Variants in TMEM107 observed in about 807,000 individuals in gnomAD.
TMEM107 encodes transmembrane protein 107.
TMEM107 carries 18 observed loss-of-function variants against 16.8 expected under a neutral mutation model. The observed-to-expected ratio is 1.07, with a 90% confidence interval of 0.74 to 1.59. TMEM107 has a LOEUF of 1.59. Ranked by LOEUF, TMEM107 falls within the 40% of genes most tolerant of loss-of-function variation. TMEM107 has a pLI of 0.00. For synonymous variants in TMEM107, 68 were observed against 71.6 expected, an observed-to-expected ratio of 0.95 and a Z score of 0.25; for missense variants, 152 against 175.4, an observed-to-expected ratio of 0.87 and a Z score of 0.75.
rs746291980 is a variant in TMEM107 at position 8,176,266 on chromosome 17, A to G, written c.21T>C (p.Leu7=). 5 of 1,614,050 alleles carry G rather than the reference A, an allele frequency of 3.1e-6. 1 individual carries two copies. In the Admixed American group the frequency reaches 8.3e-5, roughly 27 times the overall value. The change falls in exon 1 of 5, where the codon CTT becomes CTC. Residue 7 remains leucine (L), a synonymous_variant. Transcript: ENST00000437139. MGRVSG[L]VPSRFLTLLA... is the part of the protein sequence containing the mutation. The stretch of plus-strand genomic sequence containing the variant: ...GGAGCGTCAGGAAGCGAGAGGGCAC[A>G]AGCCCTGAGACCCGGCCCATGGCCC...
Position 8,173,205 on chromosome 17 carries a change from A to C in TMEM107, c.*998T>G, listed in dbSNP as rs1305539965. 1 of 411,818 alleles carries C rather than the reference A, an allele frequency of 2.4e-6. No individual in the cohort carries two copies. The highest frequency in any genetic ancestry group is 4.5e-6 in the Non-Finnish European group (1 of 224,212). The allele number at this position is 411,818 out of a possible 1,614,324, so 25.5% of individuals were successfully genotyped here. A position where few individuals can be genotyped will look rare whatever the true frequency, so the allele number is the denominator to read the frequency against. ...AATGTTTCCTGAGAAGTGAGGATTAAAGTTATCAAACGACAAAAAACAAAG... is the reference window on the plus strand; with the variant it reads ...AATGTTTCCTGAGAAGTGAGGATTACAGTTATCAAACGACAAAAAACAAAG... On this transcript the variant is annotated 3_prime_UTR_variant, in exon 5 of 5. Coordinates refer to ENST00000437139, the MANE Select transcript of TMEM107 (RefSeq NM_183065.4).
Position 8,176,021 on chromosome 17 carries a change from G to A in TMEM107, c.93C>T (p.Ser31=), listed in dbSNP as rs1984104264. Reference sequence around the variant, plus strand: ...TGAGAGGCAGGCAGGCCTGTATGTTGCTGTCCTGGGAGCAGGGCACAGGAA... The same window carrying A: ...TGAGAGGCAGGCAGGCCTGTATGTTACTGTCCTGGGAGCAGGGCACAGGAA... ...VVITLFWSRD[S]NIQACLPLTF... Residue 31 remains serine, a synonymous_variant, in exon 2 of 5, where the codon AGC becomes AGT. Transcript: ENST00000437139. The A allele has an allele frequency of 6.2e-7, 1 of 1,614,108 alleles. No homozygotes were observed. Among genetic ancestry groups the A allele is most frequent in the Non-Finnish European group, 8.5e-7 (1 of 1,180,040 alleles).
rs1983888571 is a variant in TMEM107, at chr17:8,173,729, TA to T, written c.*473del. ...TGCCATATTAGCTCGCACATTTTTTTAAATTTTTTTTTCATTCGGCTGCCGA... is the reference window on the plus strand; with the variant it reads ...TGCCATATTAGCTCGCACATTTTTTTAATTTTTTTTTCATTCGGCTGCCGA... On this transcript the variant is annotated 3_prime_UTR_variant, in exon 5 of 5. Coordinates refer to ENST00000437139, the MANE Select transcript of TMEM107 (RefSeq NM_183065.4). The T allele has an allele frequency of 8.9e-6, 5 of 561,186 alleles. No individual in the cohort carries two copies. The highest frequency in any genetic ancestry group is 3.0e-4 in the Middle Eastern group (1 of 3,324). 34.8% of individuals were successfully genotyped at this position (561,186 alleles called of 1,614,324 possible). A position where few individuals can be genotyped will look rare whatever the true frequency, so the allele number is the denominator to read the frequency against.
chr17:8,175,799 G>C lies in TMEM107; in HGVS notation c.214C>G (p.Leu72Val). 1 of 1,614,192 alleles carries C rather than the reference G, an allele frequency of 6.2e-7. No homozygotes were observed. Among genetic ancestry groups the C allele is most frequent in the Non-Finnish European group, 8.5e-7 (1 of 1,180,034 alleles). Residue 72 changes from leucine (L) to valine (V), a missense_variant, in exon 3 of 5, where the codon CTC becomes GTC. Coordinates refer to ENST00000437139, the MANE Select transcript of TMEM107 (RefSeq NM_183065.4). ...CTGTTGAACATGGAGACTCCTGAGA[G>C]GAAACCGGCCAGCTCCACTGCAAAG... is the stretch of plus-strand genomic sequence containing the variant. ...GLFAVELAGF[L>V]SGVSMFNSTQ...
chr17:8,176,349 G>A lies in TMEM107; in HGVS notation c.-63C>T, dbSNP rs889313542. 6 of 1,377,432 alleles carry A rather than the reference G, an allele frequency of 4.4e-6. No homozygotes were observed. The highest frequency in any genetic ancestry group is 2.1e-5 in the Admixed American group (1 of 48,616). 85.3% of individuals were successfully genotyped at this position (1,377,432 alleles called of 1,614,324 possible). On this transcript the variant is annotated 5_prime_UTR_variant, in exon 1 of 5. Coordinates refer to ENST00000437139, the MANE Select transcript of TMEM107 (RefSeq NM_183065.4). ...AAGTTCAGAGACAGCGACTCCTGAA[G>A]TCTCCCCGCAAGCCGACAAATCTAG...
rs1335219973 is a variant in TMEM107 at position 8,175,848 on chromosome 17, G to A, written c.165C>T (p.Ala55=). 2 of 1,614,172 alleles carry A rather than the reference G, an allele frequency of 1.2e-6. No individual in the cohort carries two copies. Among genetic ancestry groups the A allele is most frequent in the Non-Finnish European group, 8.5e-7 (1 of 1,180,030 alleles). The change falls in exon 3 of 5, where the codon GCC becomes GCT. Residue 55 remains alanine (A), a synonymous_variant. Coordinates refer to ENST00000437139, the MANE Select transcript of TMEM107 (RefSeq NM_183065.4). ...AGAGGCCCAGGGTGACAGAGAGCGC[G>A]GCCACCAGCCTGCAGAGAGGAAGTG... ...EYDKQDIQLV[A]ALSVTLGLFA...
rs754886900 is a variant in TMEM107 at position 8,173,563 on chromosome 17, A to C, written c.*640T>G. ...CTAATCTGCCCTCCGGAGGAGGAAC[A>C]GGTAAGGATTATCCCACCTGACGAT... On this transcript the variant is annotated 3_prime_UTR_variant, in exon 5 of 5. Transcript: ENST00000437139. 6.5e-6 allele frequency: 5 copies of C among 765,332 alleles called. No homozygotes were observed. Among genetic ancestry groups the C allele is most frequent in the South Asian group, 1.3e-5 (1 of 74,602 alleles). The allele number at this position is 765,332 out of a possible 1,614,324, so 47.4% of individuals were successfully genotyped here.
In TMEM107 at chr17:8,173,121, G is replaced by A. The variant is rs188660085; in HGVS notation, c.*1082C>T. ...AGGAAAAAGAAATACAGTTCCTATTGAATACCATCCTGAGGGCAACCACCA... is the reference window on the plus strand; with the variant it reads ...AGGAAAAAGAAATACAGTTCCTATTAAATACCATCCTGAGGGCAACCACCA... On this transcript the variant is annotated 3_prime_UTR_variant, in exon 5 of 5. Transcript: ENST00000437139. 1.2e-5 allele frequency: 3 copies of A among 241,248 alleles called. No homozygotes were observed. The highest frequency in any genetic ancestry group is 2.5e-5 in the Non-Finnish European group (3 of 121,624). 14.9% of individuals were successfully genotyped at this position (241,248 alleles called of 1,614,324 possible). A position where few individuals can be genotyped will look rare whatever the true frequency, so the allele number is the denominator to read the frequency against.
At chr17:8,174,697 A>G in intron 3 of TMEM107, 81 bp from the exon 4 acceptor site, 3 of 1,214,650 alleles carry the variant, frequency 2.5e-6, no homozygotes, top group Non-Finnish European at 3.6e-6. Flanking sequence ...TGGGGCTGGC[A>G]TCTGCATTCA....
chr17:8,174,080 C>A lies in TMEM107; in HGVS notation c.*123G>T. 1 of 780,956 alleles carries A rather than the reference C, an allele frequency of 1.3e-6. No individual in the cohort carries two copies. The allele number at this position is 780,956 out of a possible 1,614,324, so 48.4% of individuals were successfully genotyped here. ...GACTCAAGACGTAATTATTCCAACA[C>A]ATATCCTCCAGCAGAAGCAGTTTCC... On this transcript the variant is annotated 3_prime_UTR_variant, in exon 5 of 5. Coordinates refer to ENST00000437139, the MANE Select transcript of TMEM107 (RefSeq NM_183065.4).
chr17:8,174,169 A>G lies in TMEM107; in HGVS notation c.*34T>C. ...AATACGAAGCGGCCCTTGCCCCTGTAGGCTTCGTCCTTAGGTTCCCGTCAT... is the reference window on the plus strand; with the variant it reads ...AATACGAAGCGGCCCTTGCCCCTGTGGGCTTCGTCCTTAGGTTCCCGTCAT... On this transcript the variant is annotated 3_prime_UTR_variant, in exon 5 of 5. Transcript: ENST00000437139. 6.2e-7 allele frequency: 1 copy of G among 1,602,648 alleles called. No individual in the cohort carries two copies. Among genetic ancestry groups the G allele is most frequent in the Non-Finnish European group, 8.5e-7 (1 of 1,169,594 alleles).
At chr17:8,175,536 A>T (rs1320515688) in intron 3 of TMEM107, 5 of 630,492 alleles carry the variant, frequency 7.9e-6, no homozygotes, top group Non-Finnish European at 1.4e-5. Flanking sequence ...CGCCTCCCAC[A>T]GTGCTGGGAT....
In TMEM107 at chr17:8,173,680, T is replaced by C. The variant is rs1194440151; in HGVS notation, c.*523A>G. The C allele has an allele frequency of 1.2e-5, 8 of 644,858 alleles. No homozygotes were observed. Among genetic ancestry groups the C allele is most frequent in the Admixed American group, 2.4e-5 (1 of 41,052 alleles). 39.9% of individuals were successfully genotyped at this position (644,858 alleles called of 1,614,324 possible). ...AACGCGCTGGTATGAGCAATCCTAT[T>C]ATTTAGCGTCCTTCCAGTTGTTTTG... is the stretch of plus-strand genomic sequence containing the variant. On this transcript the variant is annotated 3_prime_UTR_variant, in exon 5 of 5. Coordinates refer to ENST00000437139, the MANE Select transcript of TMEM107 (RefSeq NM_183065.4).
In TMEM107 at chr17:8,175,753, A is replaced by C. The variant is rs1984076414; in HGVS notation, c.256+4T>G. 6.2e-7 allele frequency: 1 copy of C among 1,613,242 alleles called. No homozygotes were observed. Among genetic ancestry groups the C allele is most frequent in the African/African-American group, 1.3e-5 (1 of 74,902 alleles). ...TGGGAAAGGTGGGCAGGCAGAAAGG[A>C]TACAGATGAGGCTCTGGGTGCTGTT... On this transcript the variant is annotated splice_donor_region_variant and intron_variant, in intron 3 of 4. Coordinates refer to ENST00000437139, the MANE Select transcript of TMEM107 (RefSeq NM_183065.4).
Position 8,172,482 on chromosome 17 carries a change from C to T in TMEM107, c.*1721G>A, listed in dbSNP as rs1983613054. Among the ~76,000 whole-genome samples the T allele has an allele frequency of 1.3e-5, 2 of 151,650 alleles. No homozygotes were observed. Among genetic ancestry groups the T allele is most frequent in the Admixed American group, 6.6e-5 (1 of 15,196 alleles). On this transcript the variant is annotated 3_prime_UTR_variant, in exon 5 of 5. Coordinates refer to ENST00000437139, the MANE Select transcript of TMEM107 (RefSeq NM_183065.4). ...TTGAATTAATGTAAGAAGGAACAAC[C>T]AGAACAGTATAATAGTAGGCAAACC...
intron 3 of TMEM107, chr17:8,175,500 G>C: frequency 1.6e-6 from 1 of 607,694 alleles, no homozygotes. Flanking sequence ...GTAGACTTGG[G>C]TTCTCACTAT....
Position 8,173,305 on chromosome 17 carries a change from AAATTTAGCAAGACTG to A in TMEM107, c.*883_*897del. 1 of 535,156 alleles carries A rather than the reference AAATTTAGCAAGACTG, an allele frequency of 1.9e-6. No individual in the cohort carries two copies. The highest frequency in any genetic ancestry group is 3.3e-6 in the Non-Finnish European group (1 of 298,526). The allele number at this position is 535,156 out of a possible 1,614,324, so 33.2% of individuals were successfully genotyped here. ...CAAATCACAATTTTCAAGAACAAAC[AAATTTAGCAAGACTG>A]CAAAATAGACAAACAGCAATAGCAA... On this transcript the variant is annotated 3_prime_UTR_variant, in exon 5 of 5. Coordinates refer to ENST00000437139, the MANE Select transcript of TMEM107 (RefSeq NM_183065.4).
At position 8,174,118 on chromosome 17, in the gene TMEM107, G is replaced by C. The variant is rs577002957; in HGVS notation, c.*85C>G. The C allele has an allele frequency of 2.4e-6, 3 of 1,229,214 alleles. No individual in the cohort carries two copies. The African/African-American group carries it at 4.5e-5, about 18-fold the overall frequency. 76.1% of individuals were successfully genotyped at this position (1,229,214 alleles called of 1,614,324 possible). A position where few individuals can be genotyped will look rare whatever the true frequency, so the allele number is the denominator to read the frequency against. On this transcript the variant is annotated 3_prime_UTR_variant, in exon 5 of 5. Coordinates refer to ENST00000437139, the MANE Select transcript of TMEM107 (RefSeq NM_183065.4). ...AGAAGCAGTTTCCGAGGGGAAAACC[G>C]AAGCCTATGCCTTCCTTCTTCCAGG...
Position 8,176,022 on chromosome 17 carries a change from C to T in TMEM107, c.92G>A (p.Ser31Asn). The stretch of plus-strand genomic sequence containing the variant: ...GAGAGGCAGGCAGGCCTGTATGTTG[C>T]TGTCCTGGGAGCAGGGCACAGGAAG... ...VVITLFWSRD[S>N]NIQACLPLTF... The change falls in exon 2 of 5, where the codon AGC (serine) becomes AAC (asparagine). Residue 31 changes from serine (S) to asparagine (N), a missense_variant. Physicochemically the swap from Ser to Asn is conservative, Grantham distance 46. Coordinates refer to ENST00000437139, the MANE Select transcript of TMEM107 (RefSeq NM_183065.4). 1 of 1,614,198 alleles carries T rather than the reference C, an allele frequency of 6.2e-7. No homozygotes were observed. The highest frequency in any genetic ancestry group is 8.5e-7 in the Non-Finnish European group (1 of 1,180,036).
Sources: gnomAD v4.1 joint callset for allele counts (sites outside exome capture counted in the v4.1 genomes callset) on GRCh38, gnomAD v4.1.1 for gene constraint, MANE v1.5 for transcripts, NCBI Gene and HGNC (gene_info 2026-07-23, HGNC 2026-07-21) for gene names.